XPO5: variants seen among roughly 807,000 people sequenced by gnomAD.
The protein encoded by XPO5 is exportin-5.
Under a neutral mutation model 160.6 loss-of-function variants are expected in XPO5, and 46 were observed. The ratio of observed to expected loss-of-function variants is 0.29; its 90% confidence interval spans 0.23 to 0.37. The LOEUF is 0.37. Among genes scored for constraint, XPO5 ranks in the 10% least tolerant of loss-of-function variants. The pLI is 1.00. For missense variants in XPO5, 1,090 were observed against 1,463.9 expected (o/e 0.74, Z 4.17); for synonymous variants, 537 against 519.3 (o/e 1.03, Z -0.46).
intron 27 of XPO5, chr6:43,526,365 G>T: frequency 2.3e-6 from 1 of 436,702 alleles, no homozygotes; most frequent in South Asian, 2.8e-5. Flanking sequence ...TAAAGCAGAG[G>T]AATACAGAGT....
intron 20 of XPO5, among the ~76,000 whole-genome samples, chr6:43,541,028 CTT>C (rs1304195536): frequency 6.6e-6 from 1 of 152,054 alleles, no homozygotes; most frequent in African/African-American, 2.4e-5. Context: ...TGTTCTCACT[CTT>C]TGTGGAATCT....
At chr6:43,537,978 G>C (rs1794446212) in intron 20 of XPO5, among the ~76,000 whole-genome samples, 1 of 150,460 alleles carries the variant, frequency 6.6e-6, no homozygotes, top group Non-Finnish European at 1.5e-5. Context: ...TGAGGCAGTC[G>C]AGAGGCTGAG....
At chr6:43,561,885 G>A (rs971830986) in intron 9 of XPO5, 1 of 164,174 alleles carries the variant, frequency 6.1e-6, no homozygotes, top group Non-Finnish European at 1.3e-5. Context: ...CCCTTAGATT[G>A]GGAAAAGAGT....
intron 20 of XPO5, chr6:43,539,675 C>G: frequency 2.1e-6 from 2 of 967,988 alleles, no homozygotes; most frequent in East Asian, 2.6e-5. Context: ...GCCTCCAGGC[C>G]CCCCCACTGC....
chr6:43,556,037 A>C, intron 12 of XPO5, 73 bp from the exon 13 acceptor site: 3 of 1,574,072 alleles, frequency 1.9e-6, no homozygotes, highest in Non-Finnish European at 2.6e-6. Flanking sequence ...ATGTTTATTA[A>C]TTTACCACCC....
intron 12 of XPO5, among the ~76,000 whole-genome samples, chr6:43,557,557 A>AGT (rs1434859193): frequency 2.6e-5 from 4 of 152,152 alleles, no homozygotes; most frequent in Non-Finnish European, 5.9e-5. Context: ...GAATAGGCAA[A>AGT]ACAGAGACAG....
Position 43,567,536 on chromosome 6 carries a change from A to G in XPO5, c.649-182T>C, listed in dbSNP as rs77352730. Among the ~76,000 whole-genome samples the G allele has an allele frequency of 0.033, 4,980 of 152,238 alleles. 264 individuals carry two copies. Among genetic ancestry groups the G allele is most frequent in the African/African-American group, 0.11 (4,605 of 41,514 alleles). On this transcript the variant is annotated intron_variant, in intron 6 of 31. Coordinates refer to ENST00000265351, the MANE Select transcript of XPO5 (RefSeq NM_020750.3). ...AACAATGACATTCTCAACATCCAAC[A>G]ACAAGACCATACTGGCATGTGTGGC...
chr6:43,567,832 T>C (rs1218693800), intron 6 of XPO5, among the ~76,000 whole-genome samples: 3 of 151,202 alleles, frequency 2.0e-5, no homozygotes, highest in Non-Finnish European at 4.4e-5. Flanking sequence ...CAGCTACTCA[T>C]GAGGTTGAGG....
chr6:43,522,434 A>G lies in XPO5; in HGVS notation c.*1434T>C, dbSNP rs1371442818. 1 of 158,528 alleles carries G rather than the reference A, an allele frequency of 6.3e-6. No homozygotes were observed. Among genetic ancestry groups the G allele is most frequent in the Non-Finnish European group, 1.4e-5 (1 of 71,336 alleles). 9.8% of individuals were successfully genotyped at this position (158,528 alleles called of 1,614,324 possible). On this transcript the variant is annotated 3_prime_UTR_variant, in exon 32 of 32. Transcript: ENST00000265351. ...AAACAATAGAAAATTTCTAGCATGA[A>G]GTCACAGGATGTTAAAAATATTACA...
rs1273134177 is a variant in XPO5, at chr6:43,547,646, G to C, written c.2122C>G (p.Pro708Ala). ...AAGCCACACGGATCCTCCAGGCCTG[G>C]GTCACAGCTCTTCTGATCTGTACCC... is the stretch of plus-strand genomic sequence containing the variant. ...YVGTDQKSCDPGLEDPCGLNR... is the reference protein window; with the variant it reads ...YVGTDQKSCDAGLEDPCGLNR... The change falls in exon 19 of 32, where the codon CCA becomes GCA. Residue 708 changes from proline (P) to alanine (A), a missense_variant. By Grantham distance (27) the Pro-to-Ala change is conservative. Transcript: ENST00000265351. The C allele has an allele frequency of 6.2e-7, 1 of 1,613,848 alleles. No individual in the cohort carries two copies. The highest frequency in any genetic ancestry group is 1.7e-5 in the Admixed American group (1 of 60,006).
At chr6:43,569,623 C>T (rs1762886171) in intron 5 of XPO5, among the ~76,000 whole-genome samples, 2 of 151,978 alleles carry the variant, frequency 1.3e-5, no homozygotes, top group South Asian at 4.2e-4. Flanking sequence ...ATCTCAGCTA[C>T]CCGGGAGGCT....
At chr6:43,528,035 TGA>T (rs1053692314) in intron 25 of XPO5, 122 bp downstream of exon 25, 113 of 1,018,690 alleles carry the variant, frequency 1.1e-4, no homozygotes, top group Non-Finnish European at 1.6e-4. Flanking sequence ...TCACCTAGGC[TGA>T]GAATGACTAC....
At chr6:43,567,421 AC>A in intron 6 of XPO5, 67 bp from the exon 7 acceptor site, 1 of 1,397,186 alleles carries the variant, frequency 7.2e-7, no homozygotes, top group Non-Finnish European at 9.6e-7. Flanking sequence ...AGTGGTTATA[AC>A]TGAACTCCCA....
chr6:43,523,425 G>A lies in XPO5; in HGVS notation c.*443C>T. The A allele has an allele frequency of 3.1e-6, 1 of 321,464 alleles. No individual in the cohort carries two copies. The highest frequency in any genetic ancestry group is 8.1e-5 in the East Asian group (1 of 12,380). The allele number at this position is 321,464 out of a possible 1,614,324, so 19.9% of individuals were successfully genotyped here. A position where few individuals can be genotyped will look rare whatever the true frequency, so the allele number is the denominator to read the frequency against. ...CCAGCAGCAAAAGGGCTCAGTGGGA[G>A]TTGGAGTGGTCCAAGAGAAACTCTG... On this transcript the variant is annotated 3_prime_UTR_variant, in exon 32 of 32. Transcript: ENST00000265351.
chr6:43,528,513 A>G (rs930018646), intron 24 of XPO5, among the ~76,000 whole-genome samples: 1 of 152,144 alleles, frequency 6.6e-6, no homozygotes, highest in Non-Finnish European at 1.5e-5. Flanking sequence ...GCTTAATTCT[A>G]GAGTAAGGAT....
chr6:43,547,760 G>C, intron 18 of XPO5, 53 bp from the exon 19 acceptor site: 1 of 1,531,304 alleles, frequency 6.5e-7, no homozygotes, highest in Non-Finnish European at 9.0e-7. Context: ...AACAAGGACA[G>C]TTTCTTCCAC....
At chr6:43,547,569 C>G in intron 19 of XPO5, 39 bp downstream of exon 19, 2 of 1,589,956 alleles carry the variant, frequency 1.3e-6, no homozygotes, top group Non-Finnish European at 1.7e-6. Flanking sequence ...TACTCCTACC[C>G]ATGGCCAATG....
rs1795160975 is a variant in XPO5, at chr6:43,550,190, C to T, written c.1729-256G>A. On this transcript the variant is annotated intron_variant, in intron 15 of 31. Transcript: ENST00000265351. ...GATCCCAGAACAATTCATGCCATCACCCAAGCACTTGGCTATGGAAACGCC... is the reference window on the plus strand; with the variant it reads ...GATCCCAGAACAATTCATGCCATCATCCAAGCACTTGGCTATGGAAACGCC... Among the ~76,000 whole-genome samples the T allele has an allele frequency of 4.6e-5, 7 of 152,288 alleles. No individual in the cohort carries two copies. In the South Asian group the frequency reaches 1.5e-3, roughly 32 times the overall value.
chr6:43,542,971 T>C (rs1794778971), intron 20 of XPO5, among the ~76,000 whole-genome samples: 1 of 152,078 alleles, frequency 6.6e-6, no homozygotes, highest in Admixed American at 6.6e-5. Context: ...CAAAGGTCCA[T>C]CAAGGCTGAA....
Sources: gnomAD v4.1 joint callset for allele counts (sites outside exome capture counted in the v4.1 genomes callset) on GRCh38, gnomAD v4.1.1 for gene constraint, MANE v1.5 for transcripts, NCBI Gene and HGNC (gene_info 2026-07-23, HGNC 2026-07-21) for gene names.